The following CHD7 variants were observed in gnomAD, a reference collection of about 807,000 sequenced individuals.
CHD7 encodes ATP-dependent chromatin remodeler CHD7.
In CHD7, 24 loss-of-function variants were observed where a neutral mutation model predicts 307.3. That is an observed-to-expected ratio of 0.08 (90% confidence interval 0.06 to 0.11). CHD7 has a LOEUF of 0.11. CHD7 is among the 10% of genes least tolerant of loss of function. CHD7 has a pLI of 1.00. For missense variants in CHD7, 3,106 were observed against 3,727.1 expected (o/e 0.83, Z 4.34); for synonymous variants, 1,363 against 1,349.9 (o/e 1.01, Z -0.21).
At chr8:60,706,601 T>TAG (rs1397409313) in intron 1 of CHD7, among the ~76,000 whole-genome samples, 1 of 152,176 alleles carries the variant, frequency 6.6e-6, no homozygotes, top group African/African-American at 2.4e-5. Flanking sequence ...ATTAGAGCTG[T>TAG]AGCATATAAA....
chr8:60,736,705 T>C (rs1021265117), intron 1 of CHD7, among the ~76,000 whole-genome samples: 1 of 152,214 alleles, frequency 6.6e-6, no homozygotes, highest in Non-Finnish European at 1.5e-5. Flanking sequence ...GATTTCACTC[T>C]TGCCCACGTG....
At chr8:60,776,629 C>G (rs533786450) in intron 2 of CHD7, among the ~76,000 whole-genome samples, 1 of 152,274 alleles carries the variant, frequency 6.6e-6, no homozygotes, top group East Asian at 1.9e-4. Context: ...ACTGTTAGAG[C>G]CTCAAATATT....
At chr8:60,848,706 C>G in intron 24 of CHD7, 102 bp downstream of exon 24, 1 of 890,746 alleles carries the variant, frequency 1.1e-6, no homozygotes, top group East Asian at 2.6e-5. Context: ...CCACTAGTAA[C>G]CCATCTCCTT....
chr8:60,702,228 C>T (rs1168688816), intron 1 of CHD7, among the ~76,000 whole-genome samples: 1 of 152,170 alleles, frequency 6.6e-6, no homozygotes, highest in Non-Finnish European at 1.5e-5. Flanking sequence ...GCGCAGTGCT[C>T]TTTCCACAGG....
intron 1 of CHD7, among the ~76,000 whole-genome samples, chr8:60,694,154 G>A (rs1444364412): frequency 6.6e-6 from 1 of 152,282 alleles, no homozygotes; most frequent in African/African-American, 2.4e-5. Flanking sequence ...CAATTTCGGT[G>A]TGAGGCTTAT....
chr8:60,743,552 G>T (rs1809169918), intron 2 of CHD7, among the ~76,000 whole-genome samples: 1 of 152,222 alleles, frequency 6.6e-6, no homozygotes, highest in Non-Finnish European at 1.5e-5. Flanking sequence ...TTGGGAAGCT[G>T]CAAATCGTAT....
At chr8:60,762,993 G>T (rs773574935) in intron 2 of CHD7, among the ~76,000 whole-genome samples, 2 of 151,990 alleles carry the variant, frequency 1.3e-5, no homozygotes, top group Admixed American at 6.6e-5. Flanking sequence ...AGGGTTGGTG[G>T]GGGGGCGGCA....
chr8:60,680,749 C>T (rs535050682), intron 1 of CHD7, among the ~76,000 whole-genome samples: 2 of 152,182 alleles, frequency 1.3e-5, no homozygotes, highest in Non-Finnish European at 2.9e-5. Flanking sequence ...AAAGTAGCAA[C>T]CCACATGGAG....
intron 1 of CHD7, among the ~76,000 whole-genome samples, chr8:60,734,452 T>A (rs1160122537): frequency 6.6e-6 from 1 of 152,216 alleles, no homozygotes; most frequent in Non-Finnish European, 1.5e-5. Context: ...GGCACTTTTG[T>A]AGCTTCTGCC....
chr8:60,836,751 TAAAAA>T, intron 16 of CHD7, 61 bp from the exon 17 acceptor site: 1 of 1,176,312 alleles, frequency 8.5e-7, no homozygotes, highest in Non-Finnish European at 1.2e-6. Flanking sequence ...AATTAAAAAT[TAAAAA>T]AAGGAGCAAG....
rs971600418 is a variant in CHD7 at position 60,750,825 on chromosome 8, T to G, written c.1665+7728T>G. 3.9e-5 allele frequency among the ~76,000 whole-genome samples: 6 copies of G among 152,178 alleles called. No homozygotes were observed. In the South Asian group the frequency reaches 6.2e-4, roughly 16 times the overall value. ...AATTCTTTTTAAAAACAAGTCAGAG[T>G]ATAAATAATTTTATTCACATGTAAA... On this transcript the variant is annotated intron_variant, in intron 2 of 37. Coordinates refer to ENST00000423902, the MANE Select transcript of CHD7 (RefSeq NM_017780.4).
intron 2 of CHD7, 139 bp downstream of exon 2, chr8:60,743,236 G>A: frequency 1.3e-6 from 1 of 761,950 alleles, no homozygotes; most frequent in Non-Finnish European, 2.2e-6. Context: ...ATTGGCTTAT[G>A]CATTTATTTT....
At chr8:60,813,105 T>C (rs1217497113) in intron 7 of CHD7, among the ~76,000 whole-genome samples, 1 of 152,224 alleles carries the variant, frequency 6.6e-6, no homozygotes, top group Admixed American at 6.5e-5. Context: ...TATTTTCTTA[T>C]ACAAATTGTA....
At chr8:60,856,392 A>G (rs1372202284) in intron 33 of CHD7, 53 bp from the exon 34 acceptor site, 9 of 1,494,268 alleles carry the variant, frequency 6.0e-6, no homozygotes, top group African/African-American at 4.2e-5. Flanking sequence ...CAGCCCATAT[A>G]GCAGTACTGT....
chr8:60,814,206 A>G (rs1406084395), intron 7 of CHD7, among the ~76,000 whole-genome samples: 1 of 152,168 alleles, frequency 6.6e-6, no homozygotes, highest in African/African-American at 2.4e-5. Flanking sequence ...ATGGGTTATC[A>G]TCAGAGTCTA....
At position 60,856,765 on chromosome 8, in the gene CHD7, G is replaced by A; in HGVS notation, c.7485G>A (p.Arg2495=). The change falls in exon 34 of 38, where the codon AGG becomes AGA. Residue 2495 remains arginine, a synonymous_variant. Transcript: ENST00000423902. ...CAGGCCTTTCGCGCACACCCACAAG[G>A]CATCTCCTTAATGGCTCCCTAGTGG... is the stretch of plus-strand genomic sequence containing the variant. ...LQAGLSRTPT[R]HLLNGSLVDG... 6 of 1,613,980 alleles carry A rather than the reference G, an allele frequency of 3.7e-6. No individual in the cohort carries two copies. Among genetic ancestry groups the A allele is most frequent in the Non-Finnish European group, 4.2e-6 (5 of 1,179,880 alleles).
At chr8:60,697,445 G>A (rs1806536652) in intron 1 of CHD7, among the ~76,000 whole-genome samples, 1 of 152,098 alleles carries the variant, frequency 6.6e-6, no homozygotes, top group Non-Finnish European at 1.5e-5. Flanking sequence ...AGCAAACAGA[G>A]GAGGATAAGA....
intron 2 of CHD7, among the ~76,000 whole-genome samples, chr8:60,746,199 A>G (rs1380122624): frequency 6.6e-6 from 1 of 152,138 alleles, no homozygotes; most frequent in African/African-American, 2.4e-5. Flanking sequence ...GTGCCTGGCT[A>G]ATTTTTGTAT....
chr8:60,771,185 T>G (rs1196531884), intron 2 of CHD7, among the ~76,000 whole-genome samples: 1 of 152,198 alleles, frequency 6.6e-6, no homozygotes, highest in Non-Finnish European at 1.5e-5. Context: ...AGGATAAATA[T>G]CTCACTAGGA....
Sources: gnomAD v4.1 joint callset for allele counts (sites outside exome capture counted in the v4.1 genomes callset) on GRCh38, gnomAD v4.1.1 for gene constraint, MANE v1.5 for transcripts, NCBI Gene and HGNC (gene_info 2026-07-23, HGNC 2026-07-21) for gene names.